The following WLS variants were observed in gnomAD, a reference collection of about 807,000 sequenced individuals.
WLS encodes protein wntless homolog.
A neutral mutation model predicts 62.8 loss-of-function variants in WLS; 23 were observed. The ratio of observed to expected loss-of-function variants is 0.37; its 90% CI spans 0.26 to 0.52. WLS has a LOEUF of 0.52. Among genes scored for constraint, WLS ranks in the 20% least tolerant of loss-of-function variants. The pLI, the probability that WLS is intolerant of heterozygous loss-of-function variation, is 0.92. For synonymous variants in WLS, 246 were observed against 244.1 expected (o/e 1.01, Z -0.07); for missense variants, 615 against 697.3 (o/e 0.88, Z 1.33).
intron 2 of WLS, among the ~76,000 whole-genome samples, chr1:68,160,837 A>C (rs1646962022): frequency 6.6e-6 from 1 of 152,204 alleles, no homozygotes; most frequent in African/African-American, 2.4e-5. Flanking sequence ...AGAACATGTA[A>C]CTAGTTGATA....
intron 10 of WLS, chr1:68,138,344 T>A (rs1205114273): frequency 5.4e-6 from 1 of 184,552 alleles, no homozygotes; most frequent in African/African-American, 2.4e-5. Flanking sequence ...TGCTGCCATG[T>A]CTTTAAGGCC....
downstream of WLS, among the ~76,000 whole-genome samples, chr1:68,124,931 T>C (rs1646407398): frequency 6.6e-6 from 1 of 152,222 alleles, no homozygotes; most frequent in Non-Finnish European, 1.5e-5. Flanking sequence ...TATGAACTGA[T>C]TGAAATTTTC....
At chr1:68,224,257 G>A (rs779460635) in intron 1 of WLS, among the ~76,000 whole-genome samples, 18 of 152,214 alleles carry the variant, frequency 1.2e-4, no homozygotes, top group Non-Finnish European at 1.3e-4. Context: ...AATAGGCATA[G>A]CAGATAGAAA....
At chr1:68,200,378 T>G (rs568276765) in intron 1 of WLS, among the ~76,000 whole-genome samples, 1 of 152,060 alleles carries the variant, frequency 6.6e-6, no homozygotes, top group Non-Finnish European at 1.5e-5. Context: ...TTTTATTTAT[T>G]CTCTATCTTG....
At position 68,101,727 on chromosome 1, in the gene WLS, GGGGGT is replaced by G. The variant is rs1557439739; in HGVS notation, c.1511-2979_1511-2975del. 1.7e-4 allele frequency among the ~76,000 whole-genome samples: 26 copies of G among 152,280 alleles called. 1 individual carries two copies. The East Asian group carries it at 3.7e-3, about 21-fold the overall frequency. On this transcript the variant is annotated intron_variant, in intron 11 of 11. Transcript: ENST00000354777. ...AAGAAATCTAGAAACTTCATGAATT[GGGGGT>G]GAGTCTCCCAATGGTGAAAGTTCAG...
At chr1:68,193,857 C>G (rs1648504659) in intron 2 of WLS, 98 bp downstream of exon 2, 17 of 1,471,708 alleles carry the variant, frequency 1.2e-5, no homozygotes, top group Non-Finnish European at 1.6e-5. Flanking sequence ...TTTGCTATTA[C>G]TATTACCATT....
At chr1:68,150,676 C>A (rs1411434103) in intron 5 of WLS, among the ~76,000 whole-genome samples, 3 of 152,186 alleles carry the variant, frequency 2.0e-5, no homozygotes, top group Non-Finnish European at 4.4e-5. Context: ...TCAGTGAGTA[C>A]AATTGTCCTC....
rs1646987325 is a variant in WLS, at chr1:68,162,214, G to T, written c.380-2967C>A. 1.3e-5 allele frequency: 19 copies of T among 1,458,230 alleles called. No homozygotes were observed. The South Asian group carries it at 2.1e-4, about 16-fold the overall frequency. 90.3% of individuals were successfully genotyped at this position (1,458,230 alleles called of 1,614,324 possible). The stretch of plus-strand genomic sequence containing the variant: ...CTCCGACTCACGCACATAGAGGGCT[G>T]CCCCTCGTATCCTGCCCTCCTTGAG... On this transcript the variant is annotated intron_variant, in intron 2 of 11. Transcript: ENST00000262348.
intron 5 of WLS, among the ~76,000 whole-genome samples, chr1:68,150,830 C>A (rs1405460864): frequency 3.9e-5 from 6 of 152,224 alleles, no homozygotes; most frequent in Admixed American, 1.3e-4. Context: ...ATTCTCTTGA[C>A]TGCTTGTTTA....
intron 1 of WLS, chr1:68,231,749 GC>G: frequency 2.1e-6 from 1 of 466,548 alleles, no homozygotes; most frequent in Non-Finnish European, 4.3e-6. Flanking sequence ...TTTGCGCCGG[GC>G]ACAGTTCCCC....
At chr1:68,180,983 G>T (rs1425489294) in intron 2 of WLS, among the ~76,000 whole-genome samples, 2 of 152,214 alleles carry the variant, frequency 1.3e-5, no homozygotes, top group Non-Finnish European at 2.9e-5. Context: ...TAGCATCAGT[G>T]TGTAGACAAT....
intron 2 of WLS, among the ~76,000 whole-genome samples, chr1:68,166,109 G>A (rs2566759): frequency 0.54 from 81,789 of 152,112 alleles, 22,319 homozygotes; most frequent in East Asian, 0.8. Flanking sequence ...ATTACTCCAT[G>A]TTAAGCTCCT....
In WLS at chr1:68,223,447, G is replaced by A. The variant is rs536454266; in HGVS notation, c.106+8747C>T. Among the ~76,000 whole-genome samples the A allele has an allele frequency of 1.9e-3, 284 of 152,302 alleles. 1 individual carries two copies. The highest frequency in any genetic ancestry group is 6.4e-3 in the African/African-American group (265 of 41,570). On this transcript the variant is annotated intron_variant, in intron 1 of 11. Transcript: ENST00000262348. The stretch of plus-strand genomic sequence containing the variant: ...TCAACAGATCTACAAATCTGTAGGT[G>A]TTGGGCAAAGTGGTGGTGACTCAAA...
At chr1:68,123,427 C>G (rs1404976386), downstream of WLS, among the ~76,000 whole-genome samples, 2 of 151,912 alleles carry the variant, frequency 1.3e-5, no homozygotes, top group African/African-American at 4.8e-5. Context: ...TCTGGCTCAC[C>G]ACTCTTGGTG....
intron 2 of WLS, among the ~76,000 whole-genome samples, chr1:68,192,573 T>TCA (rs1372409295): frequency 5.7e-5 from 8 of 140,812 alleles, no homozygotes; most frequent in East Asian, 2.1e-4. Context: ...AAAGAACCTG[T>TCA]CACACACACA....
At chr1:68,156,534 C>G (rs1646902042) in intron 3 of WLS, among the ~76,000 whole-genome samples, 1 of 152,136 alleles carries the variant, frequency 6.6e-6, no homozygotes, top group African/African-American at 2.4e-5. Context: ...GACAGAGACA[C>G]ACACGGCAAG....
chr1:68,175,075 A>G (rs1302646699), intron 2 of WLS, among the ~76,000 whole-genome samples: 1 of 152,178 alleles, frequency 6.6e-6, no homozygotes, highest in Non-Finnish European at 1.5e-5. Flanking sequence ...ATCTCCATCA[A>G]AGAGGCCTAC....
chr1:68,108,872 T>C (rs1646182908), intron 11 of WLS, among the ~76,000 whole-genome samples: 1 of 151,080 alleles, frequency 6.6e-6, no homozygotes, highest in African/African-American at 2.4e-5. Context: ...CCAAAAAATA[T>C]ATATATGAGG....
At chr1:68,187,222 A>G (rs1648016703) in intron 2 of WLS, among the ~76,000 whole-genome samples, 1 of 151,450 alleles carries the variant, frequency 6.6e-6, no homozygotes, top group Non-Finnish European at 1.5e-5. Flanking sequence ...TTAGCAGCCA[A>G]AATGTGTTGC....
Sources: gnomAD v4.1 joint callset for allele counts (sites outside exome capture counted in the v4.1 genomes callset) on GRCh38, gnomAD v4.1.1 for gene constraint, MANE v1.5 for transcripts, NCBI Gene and HGNC (gene_info 2026-07-23, HGNC 2026-07-21) for gene names.